The following EPB41L5 variants were observed in gnomAD, a reference collection of about 807,000 sequenced individuals.
EPB41L5 encodes erythrocyte membrane protein band 4.1 like 5, also known as band 4.1-like protein 5.
EPB41L5 carries 55 observed loss-of-function variants against 106.6 expected under a neutral mutation model. That is an observed-to-expected ratio of 0.52 (90% CI 0.42 to 0.65). The LOEUF is 0.65. EPB41L5 is among the 30% of genes least tolerant of loss of function. The pLI, the probability that EPB41L5 is intolerant of heterozygous loss-of-function variation, is 0.00. For missense variants in EPB41L5, 871 were observed against 882.1 expected (o/e 0.99, Z 0.16); for synonymous variants, 297 against 306.7 (o/e 0.97, Z 0.33).
At chr2:120,073,865 C>G (rs1558848711) in intron 4 of EPB41L5, among the ~76,000 whole-genome samples, 2 of 152,096 alleles carry the variant, frequency 1.3e-5, no homozygotes, top group African/African-American at 4.8e-5. Context: ...GCATTTGGCT[C>G]TGAACTGTTA....
rs571426236 is a variant in EPB41L5 at position 120,024,680 on chromosome 2, C to T, written c.180+5416C>T. On this transcript the variant is annotated intron_variant, in intron 2 of 24. Coordinates refer to ENST00000263713, the MANE Select transcript of EPB41L5 (RefSeq NM_020909.4). The stretch of plus-strand genomic sequence containing the variant: ...TTCACCGTGTTACCCAGGATGGTCT[C>T]GGTCTCCTGACCTCATGATCCGCCC... 1.6e-4 allele frequency among the ~76,000 whole-genome samples: 24 copies of T among 152,234 alleles called. No homozygotes were observed. In the East Asian group the frequency reaches 3.5e-3, roughly 22 times the overall value.
At chr2:120,089,418 C>T (rs891465803) in intron 11 of EPB41L5, among the ~76,000 whole-genome samples, 5 of 152,026 alleles carry the variant, frequency 3.3e-5, no homozygotes, top group African/African-American at 1.2e-4. Flanking sequence ...AATATTAACT[C>T]ATGTTAGAAT....
At chr2:120,051,373 C>G (rs187197822) in intron 3 of EPB41L5, among the ~76,000 whole-genome samples, 26 of 152,292 alleles carry the variant, frequency 1.7e-4, no homozygotes, top group Non-Finnish European at 3.2e-4. Context: ...CCTCCCCCAG[C>G]CTCGCTGCCA....
At position 120,122,008 on chromosome 2, in the gene EPB41L5, C is replaced by T. The variant is rs199896379; in HGVS notation, c.1338-5680C>T. On this transcript the variant is annotated intron_variant, in intron 16 of 24. Coordinates refer to ENST00000263713, the MANE Select transcript of EPB41L5 (RefSeq NM_020909.4). ...AGAAGTGTCTGTTCATATCCTTTGCCCACTTTTTGATGGGGTTGTTTTTTT... is the reference window on the plus strand; with the variant it reads ...AGAAGTGTCTGTTCATATCCTTTGCTCACTTTTTGATGGGGTTGTTTTTTT... 1.1e-3 allele frequency among the ~76,000 whole-genome samples: 164 copies of T among 152,186 alleles called. 1 individual carries two copies. In the East Asian group the frequency reaches 0.029, roughly 27 times the overall value.
chr2:120,075,912 C>T (rs576445193), intron 7 of EPB41L5, among the ~76,000 whole-genome samples, 159 bp downstream of exon 7: 2 of 152,320 alleles, frequency 1.3e-5, no homozygotes, highest in African/African-American at 4.8e-5. Flanking sequence ...TGTTTTAGAA[C>T]ATTGCCTTCT....
intron 16 of EPB41L5, among the ~76,000 whole-genome samples, chr2:120,109,998 A>C (rs1291224217): frequency 6.6e-6 from 1 of 152,222 alleles, no homozygotes; most frequent in Non-Finnish European, 1.5e-5. Context: ...TTCCGAAAAG[A>C]TTAGTGTATT....
At chr2:120,038,156 T>A (rs1679160886) in intron 2 of EPB41L5, among the ~76,000 whole-genome samples, 1 of 152,094 alleles carries the variant, frequency 6.6e-6, no homozygotes, top group Admixed American at 6.6e-5. Context: ...CCAGAATATA[T>A]AAAGAACTCC....
At chr2:120,083,870 CTT>C (rs1449724874) in intron 10 of EPB41L5, among the ~76,000 whole-genome samples, 1 of 152,168 alleles carries the variant, frequency 6.6e-6, no homozygotes, top group African/African-American at 2.4e-5. Flanking sequence ...TTCTTTGTCT[CTT>C]TTGATCTTTG....
intron 3 of EPB41L5, among the ~76,000 whole-genome samples, chr2:120,049,871 T>G (rs1475794790): frequency 6.6e-6 from 1 of 152,168 alleles, no homozygotes; most frequent in Non-Finnish European, 1.5e-5. Flanking sequence ...GGTGACAAAA[T>G]CTCTCACCAT....
chr2:120,056,239 T>A (rs966220714), intron 3 of EPB41L5, among the ~76,000 whole-genome samples: 1 of 152,182 alleles, frequency 6.6e-6, no homozygotes, highest in Non-Finnish European at 1.5e-5. Context: ...ATGTTGATTT[T>A]TTTTTTTTAA....
chr2:120,148,925 T>C (rs773178287), intron 20 of EPB41L5, among the ~76,000 whole-genome samples: 11 of 148,168 alleles, frequency 7.4e-5, no homozygotes, highest in African/African-American at 2.5e-4. Flanking sequence ...TATTTAACTT[T>C]CTTAAGAACT....
intron 2 of EPB41L5, among the ~76,000 whole-genome samples, chr2:120,036,027 A>C (rs1243605677): frequency 1.3e-5 from 2 of 152,068 alleles, no homozygotes; most frequent in East Asian, 3.9e-4. Context: ...TGGAGGTCTT[A>C]CCCCCTGTTC....
intron 17 of EPB41L5, 59 bp from the exon 18 acceptor site, chr2:120,131,559 C>G: frequency 8.3e-7 from 1 of 1,202,454 alleles, no homozygotes; most frequent in South Asian, 1.2e-5. Flanking sequence ...TACCCTCACA[C>G]AGCTAGCTGT....
intron 3 of EPB41L5, among the ~76,000 whole-genome samples, chr2:120,052,145 A>G (rs956523176): frequency 2.0e-5 from 3 of 151,982 alleles, no homozygotes; most frequent in African/African-American, 7.3e-5. Flanking sequence ...TTTAATTTTC[A>G]TGTTTCTTTA....
At chr2:120,162,994 G>GCC (rs1490174952) in intron 21 of EPB41L5, among the ~76,000 whole-genome samples, 1 of 152,198 alleles carries the variant, frequency 6.6e-6, no homozygotes, top group Non-Finnish European at 1.5e-5. Flanking sequence ...GGTGGCTCAT[G>GCC]CCTATAAGCC....
chr2:120,148,759 T>C (rs1686526762), intron 20 of EPB41L5, among the ~76,000 whole-genome samples: 1 of 152,218 alleles, frequency 6.6e-6, no homozygotes, highest in Non-Finnish European at 1.5e-5. Context: ...ATATATCAGT[T>C]GATGGACATT....
At chr2:120,049,082 C>G (rs1220681718) in intron 3 of EPB41L5, among the ~76,000 whole-genome samples, 1 of 152,106 alleles carries the variant, frequency 6.6e-6, no homozygotes, top group African/African-American at 2.4e-5. Flanking sequence ...TTACTTCCAA[C>G]TATGTGGTCA....
At chr2:120,086,742 A>G (rs1354467975) in intron 10 of EPB41L5, among the ~76,000 whole-genome samples, 1 of 152,152 alleles carries the variant, frequency 6.6e-6, no homozygotes, top group Non-Finnish European at 1.5e-5. Flanking sequence ...ACCTATCTCA[A>G]ACAAACAAAA....
chr2:120,082,203 C>T (rs6760925), intron 10 of EPB41L5, among the ~76,000 whole-genome samples: 104,714 of 151,924 alleles, frequency 0.69, 37,604 homozygotes, highest in Non-Finnish European at 0.79. Context: ...TCAAAGGGAA[C>T]GCTTCCAGTT....
Sources: gnomAD v4.1 joint callset for allele counts (sites outside exome capture counted in the v4.1 genomes callset) on GRCh38, gnomAD v4.1.1 for gene constraint, MANE v1.5 for transcripts, NCBI Gene and HGNC (gene_info 2026-07-23, HGNC 2026-07-21) for gene names.